Variants in SLC9C1 observed in about 807,000 individuals in gnomAD.
SLC9C1 encodes the protein solute carrier family 9 member C1.
SLC9C1 carries 97 observed loss-of-function variants against 140.9 expected under a neutral mutation model. The observed-to-expected ratio is 0.69, with a 90% CI of 0.58 to 0.82. The LOEUF is 0.82. Ranked by LOEUF, SLC9C1 falls within the 40% of genes least tolerant of loss-of-function variation. The probability of loss-of-function intolerance (pLI) is 0.00; values close to 1 mark genes in which losing one functional copy is unlikely to be tolerated. For synonymous variants in SLC9C1, 440 were observed against 442.6 expected (o/e 0.99, Z 0.07); for missense variants, 1,340 against 1,389.3 (o/e 0.96, Z 0.56).
chr3:112,179,901 C>A (rs1445140039), intron 22 of SLC9C1, among the ~76,000 whole-genome samples, 200 bp from the exon 23 acceptor site: 1 of 152,194 alleles, frequency 6.6e-6, no homozygotes, highest in Non-Finnish European at 1.5e-5. Flanking sequence ...ATACTCTGAT[C>A]TTTCTGATTC....
intron 13 of SLC9C1, among the ~76,000 whole-genome samples, chr3:112,222,379 G>C (rs1158310675): frequency 2.6e-5 from 4 of 152,122 alleles, no homozygotes. Flanking sequence ...TAAGTGAAAT[G>C]AGGATCTAGA....
intron 20 of SLC9C1, among the ~76,000 whole-genome samples, chr3:112,184,528 C>T (rs1164506365): frequency 1.9e-4 from 29 of 151,424 alleles, no homozygotes; most frequent in African/African-American, 5.3e-4. Flanking sequence ...CCCAGCTACT[C>T]GGAAGGCTGA....
intron 28 of SLC9C1, among the ~76,000 whole-genome samples, chr3:112,147,254 G>C (rs1301743859): frequency 1.3e-5 from 2 of 152,130 alleles, no homozygotes; most frequent in African/African-American, 4.8e-5. Flanking sequence ...GCCCCTCTAT[G>C]CCTTTTACGT....
chr3:112,278,534 T>G (rs1211330580), intron 4 of SLC9C1, among the ~76,000 whole-genome samples, 195 bp downstream of exon 4: 3 of 152,192 alleles, frequency 2.0e-5, no homozygotes, highest in Non-Finnish European at 4.4e-5. Flanking sequence ...CTTTCTAATT[T>G]TTCCCCTGGG....
chr3:112,209,210 T>C (rs1397681336), intron 15 of SLC9C1, among the ~76,000 whole-genome samples: 1 of 63,214 alleles, frequency 1.6e-5, no homozygotes, highest in Non-Finnish European at 3.5e-5. Context: ...TGGATACCAT[T>C]TGAAAAAAAA....
At chr3:112,163,713 A>T (rs2075376130) in intron 26 of SLC9C1, among the ~76,000 whole-genome samples, 1 of 152,030 alleles carries the variant, frequency 6.6e-6, no homozygotes, top group Non-Finnish European at 1.5e-5. Flanking sequence ...ATTTTGGAAT[A>T]GGTGTGGTGT....
intron 26 of SLC9C1, among the ~76,000 whole-genome samples, chr3:112,166,725 T>G (rs2077145988): frequency 6.6e-6 from 1 of 152,088 alleles, no homozygotes; most frequent in Non-Finnish European, 1.5e-5. Flanking sequence ...ATCTCAAAAT[T>G]CAATTTTTAA....
chr3:112,219,562 T>C (rs2078481811), intron 14 of SLC9C1, among the ~76,000 whole-genome samples: 1 of 152,124 alleles, frequency 6.6e-6, no homozygotes, highest in Admixed American at 6.5e-5. Context: ...GTGGGCTGAA[T>C]TGCTCTATGT....
chr3:112,155,187 G>GT, intron 26 of SLC9C1, 138 bp from the exon 27 acceptor site: 1 of 620,026 alleles, frequency 1.6e-6, no homozygotes, highest in Non-Finnish European at 2.6e-6. Context: ...ATCTCATTTG[G>GT]TTAAAAAAAA....
rs768399816 is a variant in SLC9C1, at chr3:112,168,835, T to A, written c.3237+42A>T. On this transcript the variant is annotated intron_variant, in intron 25 of 28. Transcript: ENST00000305815. ...TCTGACGTTAATACATTGTTGGACA[T>A]ATGGCATATTGATCTGAAGACAGGA... The A allele has an allele frequency of 2.0e-6, 3 of 1,479,868 alleles. No individual in the cohort carries two copies. In the East Asian group the frequency reaches 6.9e-5, roughly 34 times the overall value. The allele number at this position is 1,479,868 out of a possible 1,614,324, so 91.7% of individuals were successfully genotyped here.
intron 26 of SLC9C1, among the ~76,000 whole-genome samples, chr3:112,158,512 A>G (rs1479386276): frequency 6.6e-6 from 1 of 151,998 alleles, no homozygotes; most frequent in Non-Finnish European, 1.5e-5. Context: ...TGCTTTTGGT[A>G]TCAGGATGAT....
At chr3:112,169,467 A>AC (rs1465092548) in intron 23 of SLC9C1, 139 bp from the exon 24 acceptor site, 36 of 801,002 alleles carry the variant, frequency 4.5e-5, no homozygotes, top group Non-Finnish European at 5.2e-5. Flanking sequence ...AACTTAGTAA[A>AC]ATGTGTCTAT....
At chr3:112,152,547 C>G (rs2075016518) in intron 27 of SLC9C1, among the ~76,000 whole-genome samples, 1 of 151,954 alleles carries the variant, frequency 6.6e-6, no homozygotes. Context: ...AGGCCTTCCT[C>G]TTTCACTAAT....
At chr3:112,189,344 A>G (rs994921006) in intron 20 of SLC9C1, among the ~76,000 whole-genome samples, 10 of 152,166 alleles carry the variant, frequency 6.6e-5, no homozygotes, top group African/African-American at 2.4e-4. Context: ...GTTTTCTTCT[A>G]GAGTTTTTAT....
chr3:112,230,865 G>C (rs1028127748), intron 13 of SLC9C1, among the ~76,000 whole-genome samples: 1 of 152,150 alleles, frequency 6.6e-6, no homozygotes, highest in Non-Finnish European at 1.5e-5. Flanking sequence ...CTAATTTTTA[G>C]CTAATATTTG....
At chr3:112,233,050 C>CACACATATATATAT (rs1326383624) in intron 12 of SLC9C1, among the ~76,000 whole-genome samples, 3 of 86,626 alleles carry the variant, frequency 3.5e-5, no homozygotes, top group African/African-American at 1.2e-4. Flanking sequence ...CACACACACA[C>CACACATATATATAT]ATATATATAT....
intron 10 of SLC9C1, among the ~76,000 whole-genome samples, chr3:112,256,217 A>G (rs2079602447): frequency 6.6e-6 from 1 of 152,196 alleles, no homozygotes; most frequent in African/African-American, 2.4e-5. Flanking sequence ...CTCCTCCCCA[A>G]ATCATTCTAT....
At chr3:112,178,101 A>C (rs765384408) in intron 23 of SLC9C1, among the ~76,000 whole-genome samples, 16 of 151,760 alleles carry the variant, frequency 1.1e-4, no homozygotes, top group Non-Finnish European at 2.1e-4. Flanking sequence ...CATTTTTAAT[A>C]ATTTTTCTTT....
chr3:112,235,507 C>T (rs1448178514), intron 12 of SLC9C1, among the ~76,000 whole-genome samples: 2 of 150,964 alleles, frequency 1.3e-5, no homozygotes, highest in African/African-American at 2.4e-5. Flanking sequence ...CCTTCCAACA[C>T]TATGTTGAAT....
Sources: allele counts gnomAD v4.1 joint callset (sites outside exome capture counted in the v4.1 genomes callset), GRCh38; gene constraint gnomAD v4.1.1; transcripts MANE v1.5; gene names NCBI Gene and HGNC (gene_info 2026-07-23, HGNC 2026-07-21).